The following MGAT4C variants were observed in gnomAD, a reference collection of about 807,000 sequenced individuals.
MGAT4C encodes alpha-1,3-mannosyl-glycoprotein 4-beta-N-acetylglucosaminyltransferase C.
MGAT4C carries 19 observed loss-of-function variants against 40.1 expected under a neutral mutation model. That is an observed-to-expected ratio of 0.47 (90% CI 0.33 to 0.70). MGAT4C has a LOEUF of 0.70. Ranked by LOEUF, MGAT4C falls within the 30% of genes least tolerant of loss-of-function variation. The pLI is 0.02. For synonymous variants in MGAT4C, 181 were observed against 187.1 expected (o/e 0.97, Z 0.27); for missense variants, 491 against 563.2 (o/e 0.87, Z 1.30).
rs764420381 is a variant in MGAT4C, at chr12:86,019,124, C to A, written c.-6-29572G>T. On this transcript the variant is annotated intron_variant, in intron 2 of 4. Transcript: ENST00000611864. ...GTCAGCAAGAGTACAGGAATTAACT[C>A]GTTCTGAGAAAAGTTATAACTGTGA... 5.7e-4 allele frequency among the ~76,000 whole-genome samples: 86 copies of A among 152,090 alleles called. 1 individual carries two copies. Among genetic ancestry groups the A allele is most frequent in the African/African-American group, 2.0e-3 (82 of 41,484 alleles).
At chr12:86,261,231 T>G (rs1386779069), upstream of MGAT4C, among the ~76,000 whole-genome samples, 2 of 152,106 alleles carry the variant, frequency 1.3e-5, no homozygotes, top group African/African-American at 4.8e-5. Flanking sequence ...GCAGAACATA[T>G]TTAAAAACCC....
intron 2 of MGAT4C, among the ~76,000 whole-genome samples, chr12:85,995,507 T>C (rs1021013276): frequency 6.6e-6 from 1 of 152,140 alleles, no homozygotes; most frequent in African/African-American, 2.4e-5. Context: ...TGTGTGTCCA[T>C]AAGCCAAGTT....
intron 2 of MGAT4C, among the ~76,000 whole-genome samples, chr12:86,563,458 G>A (rs184654829): frequency 1.6e-3 from 242 of 152,214 alleles, no homozygotes; most frequent in African/African-American, 5.2e-3. Flanking sequence ...CAGGTTGAGT[G>A]GACCAAAGAC....
intron 2 of MGAT4C, among the ~76,000 whole-genome samples, chr12:86,615,591 C>T (rs147094336): frequency 6.6e-6 from 1 of 151,960 alleles, no homozygotes; most frequent in Non-Finnish European, 1.5e-5. Flanking sequence ...TAAACTAATA[C>T]CATAATTTGG....
At chr12:86,520,518 T>C (rs563453685) in intron 2 of MGAT4C, among the ~76,000 whole-genome samples, 82 of 152,308 alleles carry the variant, frequency 5.4e-4, no homozygotes, top group Non-Finnish European at 9.7e-4. Flanking sequence ...CAATTGTGAA[T>C]AGTGCTGCAA....
At chr12:86,368,155 G>C (rs1955643519) in intron 3 of MGAT4C, among the ~76,000 whole-genome samples, 1 of 151,974 alleles carries the variant, frequency 6.6e-6, no homozygotes, top group African/African-American at 2.4e-5. Flanking sequence ...AAAATATCTG[G>C]AATTGTCAAG....
At chr12:86,606,001 A>G (rs1408319793) in intron 2 of MGAT4C, among the ~76,000 whole-genome samples, 2 of 152,122 alleles carry the variant, frequency 1.3e-5, no homozygotes. Context: ...CCATTATGTC[A>G]GAAGGCGAAG....
intron 1 of MGAT4C, among the ~76,000 whole-genome samples, chr12:86,102,989 A>T (rs1056749009): frequency 6.6e-6 from 1 of 152,196 alleles, no homozygotes; most frequent in Non-Finnish European, 1.5e-5. Context: ...AAGTATTTAT[A>T]AAAAGAAATA....
intron 3 of MGAT4C, among the ~76,000 whole-genome samples, chr12:86,424,611 T>G (rs1956890782): frequency 6.6e-6 from 1 of 152,118 alleles, no homozygotes; most frequent in African/African-American, 2.4e-5. Flanking sequence ...GATTCCCAAG[T>G]GGGGATGGCT....
At chr12:86,451,209 G>T (rs537461603) in intron 2 of MGAT4C, among the ~76,000 whole-genome samples, 1 of 152,176 alleles carries the variant, frequency 6.6e-6, no homozygotes, top group Admixed American at 6.6e-5. Context: ...AGATCTGGTT[G>T]TATAAAAGTG....
In MGAT4C at chr12:86,021,704, G is replaced by A. The variant is rs977824632; in HGVS notation, c.-7+27970C>T. 3.9e-5 allele frequency among the ~76,000 whole-genome samples: 6 copies of A among 151,940 alleles called. No individual in the cohort carries two copies. The East Asian group carries it at 5.8e-4, about 15-fold the overall frequency. ...GTATACATATGTAACAAACCTGCAC[G>A]TTGTGCACATGTACCCTAAAACTTA... On this transcript the variant is annotated intron_variant, in intron 2 of 4. Transcript: ENST00000611864.
chr12:86,569,962 T>TGGG (rs1960295577), intron 2 of MGAT4C, among the ~76,000 whole-genome samples: 1 of 152,038 alleles, frequency 6.6e-6, no homozygotes, highest in Non-Finnish European at 1.5e-5. Context: ...AAAAGATAAA[T>TGGG]ACATTATCTC....
At chr12:86,153,437 A>G (rs1884542011) in intron 1 of MGAT4C, among the ~76,000 whole-genome samples, 1 of 152,214 alleles carries the variant, frequency 6.6e-6, no homozygotes, top group Non-Finnish European at 1.5e-5. Context: ...AGTCCATCTC[A>G]TGTGTTCAGT....
At chr12:86,041,368 A>G (rs953386890) in intron 2 of MGAT4C, among the ~76,000 whole-genome samples, 6 of 151,772 alleles carry the variant, frequency 4.0e-5, no homozygotes, top group African/African-American at 1.2e-4. Flanking sequence ...TTTGAAGTTG[A>G]GATACTTTGC....
At chr12:86,098,002 CT>C (rs1874263654) in intron 1 of MGAT4C, among the ~76,000 whole-genome samples, 1 of 151,734 alleles carries the variant, frequency 6.6e-6, no homozygotes, top group African/African-American at 2.4e-5. Flanking sequence ...GAAGGAACAC[CT>C]GCCTGAATTA....
chr12:86,490,494 A>G (rs1242607127), intron 2 of MGAT4C, among the ~76,000 whole-genome samples: 3 of 152,138 alleles, frequency 2.0e-5, no homozygotes, highest in Non-Finnish European at 4.4e-5. Context: ...GACCATCGAG[A>G]CTAGGAAGAA....
Position 85,956,698 on chromosome 12 carries a change from TTAG to T in MGAT4C, c.*22588_*22590del, listed in dbSNP as rs1882813489. 1.3e-5 allele frequency: 2 copies of T among 152,200 alleles called. No individual in the cohort carries two copies. Among genetic ancestry groups the T allele is most frequent in the African/African-American group, 4.8e-5 (2 of 41,464 alleles). 9.4% of individuals were successfully genotyped at this position (152,200 alleles called of 1,614,324 possible). A position where few individuals can be genotyped will look rare whatever the true frequency, so the allele number is the denominator to read the frequency against. ...AAGCTACAGTGGGAAAACCACATAA[TTAG>T]TCAATAAATCATGAGCCCAAAGTCT... On this transcript the variant is annotated 3_prime_UTR_variant, in exon 5 of 5. Coordinates refer to ENST00000611864, the MANE Select transcript of MGAT4C (RefSeq NM_001351288.2).
At chr12:86,136,274 A>T (rs944272113) in intron 1 of MGAT4C, among the ~76,000 whole-genome samples, 1 of 152,218 alleles carries the variant, frequency 6.6e-6, no homozygotes, top group African/African-American at 2.4e-5. Context: ...AATGAAACAA[A>T]ATAAAACTCT....
upstream of MGAT4C, among the ~76,000 whole-genome samples, chr12:86,257,908 G>C (rs1482283610): frequency 6.6e-6 from 1 of 152,058 alleles, no homozygotes; most frequent in Non-Finnish European, 1.5e-5. Flanking sequence ...TGTATAGACT[G>C]AGAGTGGTAA....
Sources: allele counts gnomAD v4.1 joint callset (sites outside exome capture counted in the v4.1 genomes callset), GRCh38; gene constraint gnomAD v4.1.1; transcripts MANE v1.5; gene names NCBI Gene and HGNC (gene_info 2026-07-23, HGNC 2026-07-21).